Variants in SEMA4B observed in about 807,000 individuals in gnomAD.
SEMA4B encodes semaphorin 4B.
SEMA4B carries 55 observed loss-of-function variants against 88.1 expected under a neutral mutation model. That is an observed-to-expected ratio of 0.62 (90% CI 0.50 to 0.78). SEMA4B has a LOEUF of 0.78. SEMA4B is among the 30% of genes least tolerant of loss of function. The probability of loss-of-function intolerance (pLI) is 0.00; values close to 1 mark genes in which losing one functional copy is unlikely to be tolerated. For synonymous variants in SEMA4B, 525 were observed against 473.6 expected (o/e 1.11, Z -1.41); for missense variants, 1,062 against 1,111.9 (o/e 0.96, Z 0.64).
intron 1 of SEMA4B, among the ~76,000 whole-genome samples, chr15:90,214,001 T>A (rs1249934651): frequency 1.3e-5 from 2 of 152,288 alleles, no homozygotes; most frequent in East Asian, 3.9e-4. Context: ...TGTTAACTAG[T>A]GTCACCCCCA....
chr15:90,223,409 C>A (rs1022319090), intron 7 of SEMA4B, 150 bp from the exon 8 acceptor site: 2 of 614,368 alleles, frequency 3.3e-6, no homozygotes, highest in African/African-American at 1.9e-5. Flanking sequence ...GTACACTGCT[C>A]TTCCTGACTT....
Position 90,223,637 on chromosome 15 carries a change from G to A in SEMA4B, c.940G>A (p.Asp314Asn), listed in dbSNP as rs758627147. ...GGCCCAGCTGCTGTGCTCACGGCCC[G>A]ACGATGGCTTCCCCTTCAACGTGCT... The part of the protein sequence containing the change: ...LKAQLLCSRP[D>N]DGFPFNVLQD... Residue 314 changes from aspartate (D) to asparagine (N), a missense_variant, in exon 8 of 14, where the codon GAC (aspartate) becomes AAC (asparagine). Transcript: ENST00000411539. The A allele has an allele frequency of 2.3e-5, 37 of 1,613,466 alleles. No homozygotes were observed. Among genetic ancestry groups the A allele is most frequent in the African/African-American group, 4.0e-5 (3 of 74,934 alleles).
At position 90,212,765 on chromosome 15, in the gene SEMA4B, G is replaced by A. The variant is rs1303694325; in HGVS notation, c.158-4674G>A. Among the ~76,000 whole-genome samples, 1 of 152,142 alleles carries A rather than the reference G, an allele frequency of 6.6e-6. No individual in the cohort carries two copies. The highest frequency in any genetic ancestry group is 1.9e-4 in the East Asian group (1 of 5,196). On this transcript the variant is annotated intron_variant, in intron 1 of 13. Coordinates refer to ENST00000411539, the MANE Select transcript of SEMA4B (RefSeq NM_198925.4). The surrounding 1 kb of genome is among the most constrained non-coding windows in gnomAD (Gnocchi z 4.0). ...CTTAGACAGTAACACCACTCACACC[G>A]AGCACAGACCAGCTCGCGCCCACAA...
intron 1 of SEMA4B, among the ~76,000 whole-genome samples, chr15:90,207,317 G>T (rs1336709584): frequency 7.9e-6 from 1 of 126,118 alleles, no homozygotes; most frequent in Non-Finnish European, 1.7e-5. Context: ...TTTCAGTGGG[G>T]ATGGTAGGTA....
chr15:90,220,792 G>A (rs1018873197), intron 4 of SEMA4B, among the ~76,000 whole-genome samples, 190 bp from the exon 5 acceptor site: 2 of 148,780 alleles, frequency 1.3e-5, no homozygotes, highest in African/African-American at 4.9e-5. Flanking sequence ...GAGGCCGACT[G>A]TCCAGGTTCA....
At position 90,201,567 on chromosome 15, in the gene SEMA4B, C is replaced by G; in HGVS notation, c.-12C>G. 1.3e-6 allele frequency: 2 copies of G among 1,483,224 alleles called. No individual in the cohort carries two copies. Among genetic ancestry groups the G allele is most frequent in the Non-Finnish European group, 1.8e-6 (2 of 1,123,516 alleles). 91.9% of individuals were successfully genotyped at this position (1,483,224 alleles called of 1,614,324 possible). ...GCCCGAGCCGCGGGACACCGTCGCT[C>G]CTGCTCTCCGAATGCTGCGCACCGC... On this transcript the variant is annotated 5_prime_UTR_variant, in exon 1 of 14. Coordinates refer to ENST00000411539, the MANE Select transcript of SEMA4B (RefSeq NM_198925.4).
intron 4 of SEMA4B, 51 bp downstream of exon 4, chr15:90,219,942 T>C: frequency 7.2e-7 from 1 of 1,386,592 alleles, no homozygotes; most frequent in Non-Finnish European, 1.0e-6. Context: ...TGCCCCTCTT[T>C]CTGCCCCAGG....
At chr15:90,227,060 T>C (rs1203881782) in intron 12 of SEMA4B, among the ~76,000 whole-genome samples, 1 of 152,214 alleles carries the variant, frequency 6.6e-6, no homozygotes, top group Non-Finnish European at 1.5e-5. Context: ...TTATTATTTT[T>C]TGAGACAGGG....
rs904910751 is a variant in SEMA4B at position 90,201,481 on chromosome 15, G to A, written c.-98G>A. The A allele has an allele frequency of 1.4e-4, 180 of 1,309,976 alleles. 1 individual carries two copies. In the African/African-American group the frequency reaches 2.4e-3, roughly 18 times the overall value. 81.1% of individuals were successfully genotyped at this position (1,309,976 alleles called of 1,614,324 possible). ...AGGTCCGGAGGCGGGGGCCCCCGGG[G>A]CGACTCGGGGGCGGACCGCGGGGCG... On this transcript the variant is annotated 5_prime_UTR_variant, in exon 1 of 14. Coordinates refer to ENST00000411539, the MANE Select transcript of SEMA4B (RefSeq NM_198925.4).
rs1000949774 is a variant in SEMA4B at position 90,212,950 on chromosome 15, G to A, written c.158-4489G>A. Among the ~76,000 whole-genome samples the A allele has an allele frequency of 6.6e-6, 1 of 152,194 alleles. No individual in the cohort carries two copies. Among genetic ancestry groups the A allele is most frequent in the African/African-American group, 2.4e-5 (1 of 41,448 alleles). On this transcript the variant is annotated intron_variant, in intron 1 of 13. Transcript: ENST00000411539. The surrounding 1 kb of genome is among the most constrained non-coding windows in gnomAD (Gnocchi z 4.0). ...AGGCCCGACTCCCGCAAGGAGCCCT[G>A]CCCTTCTGCCAGCTCTCACCGGGCC...
chr15:90,204,903 G>A (rs879867753), intron 1 of SEMA4B, among the ~76,000 whole-genome samples: 1 of 152,148 alleles, frequency 6.6e-6, no homozygotes, highest in African/African-American at 2.4e-5. Context: ...AGCCTCTCGA[G>A]CAGCTGAGAC....
At chr15:90,219,964 G>C in intron 4 of SEMA4B, 73 bp downstream of exon 4, 1 of 1,184,972 alleles carries the variant, frequency 8.4e-7, no homozygotes, top group Non-Finnish European at 1.2e-6. Context: ...ATCCTGTTCT[G>C]TAGCATAGAC....
chr15:90,207,431 C>T (rs1294966088), intron 1 of SEMA4B, among the ~76,000 whole-genome samples: 2 of 152,194 alleles, frequency 1.3e-5, no homozygotes, highest in Non-Finnish European at 2.9e-5. Context: ...AGGAAGGGGG[C>T]CAACTGGAAG....
upstream of SEMA4B, chr15:90,201,284 C>G: frequency 5.4e-6 from 6 of 1,109,958 alleles, no homozygotes; most frequent in Non-Finnish European, 6.6e-6. Context: ...GGGGGCGGGC[C>G]GGCCGGGCTC....
chr15:90,210,310 G>A (rs1961202280), intron 1 of SEMA4B, among the ~76,000 whole-genome samples: 1 of 152,142 alleles, frequency 6.6e-6, no homozygotes, highest in Non-Finnish European at 1.5e-5. Context: ...GTGTGTTGGA[G>A]GAAGATCTGC....
chr15:90,227,995 GCTACGCAACGGGGC>G lies in SEMA4B; in HGVS notation c.1868_1881del (p.Leu623ProfsTer58). 6.2e-7 allele frequency: 1 copy of G among 1,613,902 alleles called. No individual in the cohort carries two copies. The highest frequency in any genetic ancestry group is 8.5e-7 in the Non-Finnish European group (1 of 1,179,890). On this transcript the variant is annotated frameshift_variant, in exon 14 of 14. Coordinates refer to ENST00000411539, the MANE Select transcript of SEMA4B (RefSeq NM_198925.4). LOFTEE classifies it high-confidence loss of function. ...TCTCCAACCTGGCGACCCGACTCTG[GCTACGCAACGGGGC>G]CCCCGTCAATGCCTCGGCCTCCTGC...
At chr15:90,218,078 TCA>T (rs1242457701) in intron 3 of SEMA4B, 7 of 481,846 alleles carry the variant, frequency 1.5e-5, no homozygotes, top group Admixed American at 3.4e-5. Context: ...TGATCCGGTC[TCA>T]CTGGGCTTAC....
chr15:90,186,177 G>A (rs943831025), intron 1 of SEMA4B, among the ~76,000 whole-genome samples: 1 of 151,888 alleles, frequency 6.6e-6, no homozygotes, highest in African/African-American at 2.4e-5. Flanking sequence ...CAAGTGATCC[G>A]CCCACTTTGG....
In SEMA4B at chr15:90,228,386, T is replaced by C; in HGVS notation, c.2257T>C (p.Cys753Arg). The C allele has an allele frequency of 6.3e-7, 1 of 1,598,566 alleles. No homozygotes were observed. The highest frequency in any genetic ancestry group is 8.5e-7 in the Non-Finnish European group (1 of 1,172,090). The change falls in exon 14 of 14, where the codon TGT becomes CGT. Residue 753 changes from cysteine (C) to arginine (R), a missense_variant. Physicochemically the swap from Cys to Arg is radical, Grantham distance 180. Transcript: ENST00000411539. ...GAAAGTCTTCCTGAAGCAGGGGGAA[T>C]GTGCCAGCGTGCACCCCAAGACCTG... ...SMKVFLKQGE[C>R]ASVHPKTCPV...
Sources: allele counts gnomAD v4.1 joint callset (sites outside exome capture counted in the v4.1 genomes callset), GRCh38; gene constraint gnomAD v4.1.1; non-coding constraint Gnocchi (gnomAD v3.1); transcripts MANE v1.5; gene names NCBI Gene and HGNC (gene_info 2026-07-23, HGNC 2026-07-21).